The following SND1 variants were observed in gnomAD, a reference collection of about 807,000 sequenced individuals.
SND1 encodes the protein staphylococcal nuclease domain-containing protein 1.
Under a neutral mutation model 121.7 loss-of-function variants are expected in SND1, and 38 were observed. The observed-to-expected ratio is 0.31, with a 90% CI of 0.24 to 0.41. The LOEUF is 0.41. Among genes scored for constraint, SND1 ranks in the 10% least tolerant of loss-of-function variants. SND1 has a pLI of 1.00. For synonymous variants in SND1, 401 were observed against 447.4 expected (o/e 0.90, Z 1.31); for missense variants, 868 against 1,184.6 (o/e 0.73, Z 3.92).
intron 15 of SND1, among the ~76,000 whole-genome samples, chr7:127,958,822 T>C (rs548761739): frequency 6.6e-6 from 1 of 152,196 alleles, no homozygotes; most frequent in East Asian, 1.9e-4. Flanking sequence ...GCATTAGGTA[T>C]GAGTACCCAA....
At position 127,704,904 on chromosome 7, in the gene SND1, A is replaced by G. The variant is rs1796162637; in HGVS notation, c.906A>G (p.Ala302=). Residue 302 remains alanine, a synonymous_variant, in exon 8 of 24, where the codon GCA becomes GCG. Transcript: ENST00000354725. ...CACGCTGTGTGGACTGGTCGATTGC[A>G]GTTTACACCCGGGGCGCAGAAAAGC... ...GFARCVDWSI[A]VYTRGAEKLR... The G allele has an allele frequency of 6.2e-7, 1 of 1,613,954 alleles. No individual in the cohort carries two copies. Among genetic ancestry groups the G allele is most frequent in the African/African-American group, 1.3e-5 (1 of 74,926 alleles).
chr7:127,897,832 G>A (rs910414590), intron 13 of SND1, among the ~76,000 whole-genome samples: 1 of 151,938 alleles, frequency 6.6e-6, no homozygotes, highest in Admixed American at 6.6e-5. Context: ...GTACTTAAAC[G>A]GTGTTTTTTT....
intron 10 of SND1, among the ~76,000 whole-genome samples, chr7:127,736,985 T>C (rs1796787372): frequency 6.6e-6 from 1 of 152,180 alleles, no homozygotes; most frequent in Non-Finnish European, 1.5e-5. Flanking sequence ...CACTTGTGAG[T>C]ATTTGCACAA....
chr7:127,820,443 A>C (rs1252923353), intron 11 of SND1, among the ~76,000 whole-genome samples: 1 of 152,162 alleles, frequency 6.6e-6, no homozygotes, highest in African/African-American at 2.4e-5. Context: ...ACAGCATGGG[A>C]GAGTTTTTGA....
intron 16 of SND1, among the ~76,000 whole-genome samples, chr7:128,008,653 G>A (rs1018977361): frequency 1.3e-5 from 2 of 152,038 alleles, no homozygotes; most frequent in South Asian, 2.1e-4. Context: ...CTTTCCTCTG[G>A]TATCCCATGC....
chr7:127,780,768 T>C (rs1242643339), intron 10 of SND1, among the ~76,000 whole-genome samples: 1 of 152,264 alleles, frequency 6.6e-6, no homozygotes, highest in Non-Finnish European at 1.5e-5. Context: ...AAATTTTTTA[T>C]TTTAGATCCC....
At chr7:127,672,614 A>G (rs1307576952) in intron 1 of SND1, among the ~76,000 whole-genome samples, 3 of 148,278 alleles carry the variant, frequency 2.0e-5, no homozygotes, top group East Asian at 2.0e-4. Flanking sequence ...CTCCATCTCA[A>G]AAAAAAAAAA....
At chr7:128,055,742 G>T (rs1238912147) in intron 16 of SND1, among the ~76,000 whole-genome samples, 5 of 152,098 alleles carry the variant, frequency 3.3e-5, no homozygotes, top group Admixed American at 3.3e-4. Flanking sequence ...TCACTCCTCG[G>T]CCCAAGAGCA....
chr7:127,728,730 A>G (rs529571051), intron 10 of SND1, among the ~76,000 whole-genome samples: 44 of 152,316 alleles, frequency 2.9e-4, no homozygotes, highest in Non-Finnish European at 4.9e-4. Flanking sequence ...TAAACATTTA[A>G]TAAATGTTTG....
chr7:127,937,195 A>G (rs1265567670), intron 15 of SND1, among the ~76,000 whole-genome samples: 1 of 152,194 alleles, frequency 6.6e-6, no homozygotes, highest in Non-Finnish European at 1.5e-5. Flanking sequence ...GTGGTACCGC[A>G]GTAAGTTTGA....
At chr7:128,028,179 CTTTT>C (rs927185982) in intron 16 of SND1, 2 of 151,800 alleles carry the variant, frequency 1.3e-5, no homozygotes, top group African/African-American at 2.4e-5. Flanking sequence ...ATTCATGGTG[CTTTT>C]TTTTTGTATT....
At chr7:127,756,036 A>T (rs1053381001) in intron 10 of SND1, among the ~76,000 whole-genome samples, 15 of 152,222 alleles carry the variant, frequency 9.9e-5, no homozygotes, top group African/African-American at 3.4e-4. Context: ...AAAAATATTT[A>T]TGAATGCTTG....
intron 16 of SND1, among the ~76,000 whole-genome samples, chr7:128,036,667 T>C (rs1254650973): frequency 6.6e-6 from 1 of 152,244 alleles, no homozygotes; most frequent in African/African-American, 2.4e-5. Flanking sequence ...ACTAAGTTTC[T>C]AGGGCTTACA....
At chr7:127,863,062 A>G (rs1002876283) in intron 12 of SND1, among the ~76,000 whole-genome samples, 1 of 152,220 alleles carries the variant, frequency 6.6e-6, no homozygotes, top group Non-Finnish European at 1.5e-5. Flanking sequence ...TCATTTTGCA[A>G]ACAAGGCAGC....
At chr7:128,007,233 C>A (rs559884178) in intron 16 of SND1, among the ~76,000 whole-genome samples, 2 of 152,292 alleles carry the variant, frequency 1.3e-5, no homozygotes, top group South Asian at 4.1e-4. Context: ...ACGGATCTTC[C>A]TCCTTTTTAG....
intron 15 of SND1, among the ~76,000 whole-genome samples, chr7:127,938,638 A>C (rs982508944): frequency 7.2e-5 from 11 of 152,358 alleles, no homozygotes; most frequent in African/African-American, 1.7e-4. Context: ...CCTAAAAGAA[A>C]TGGACATATT....
intron 16 of SND1, among the ~76,000 whole-genome samples, chr7:128,044,369 A>G (rs1177638096): frequency 6.6e-6 from 1 of 152,198 alleles, no homozygotes; most frequent in Non-Finnish European, 1.5e-5. Flanking sequence ...TTGTAGGCAA[A>G]TGCAGCCCTG....
rs535952251 is a variant in SND1, at chr7:128,053,491, G to C, written c.1780-21011G>C. Among the ~76,000 whole-genome samples, 20 of 152,268 alleles carry C rather than the reference G, an allele frequency of 1.3e-4. 1 individual carries two copies. Among genetic ancestry groups the C allele is most frequent in the South Asian group, 4.1e-4 (2 of 4,820 alleles). On this transcript the variant is annotated intron_variant, in intron 16 of 23. Transcript: ENST00000354725. ...AAAAAAAATGGTGCAGGAGGCCAGAGATTTCGGAAGGTAATATTTTCCCCC... is the reference window on the plus strand; with the variant it reads ...AAAAAAAATGGTGCAGGAGGCCAGACATTTCGGAAGGTAATATTTTCCCCC...
At chr7:128,081,986 G>A (rs1793611145) in intron 18 of SND1, 2 of 533,058 alleles carry the variant, frequency 3.8e-6, no homozygotes, top group Non-Finnish European at 7.7e-6. Flanking sequence ...ATAGCCCTGA[G>A]TGATAGCCAG....
Sources: gnomAD v4.1 joint callset for allele counts (sites outside exome capture counted in the v4.1 genomes callset) on GRCh38, gnomAD v4.1.1 for gene constraint, MANE v1.5 for transcripts, NCBI Gene and HGNC (gene_info 2026-07-23, HGNC 2026-07-21) for gene names.